The following GRM7 variants were observed in gnomAD, a reference collection of about 807,000 sequenced individuals.
GRM7 encodes metabotropic glutamate receptor 7.
A neutral mutation model predicts 84.5 loss-of-function variants in GRM7; 35 were observed. That is an observed-to-expected ratio of 0.41 (90% confidence interval 0.32 to 0.55). The LOEUF (loss-of-function observed/expected upper bound fraction) is 0.55, where lower values mean the gene tolerates loss of function less well. GRM7 is among the 20% of genes least tolerant of loss of function. The pLI is 0.19. For synonymous variants in GRM7, 487 were observed against 455.1 expected (o/e 1.07, Z -0.89); for missense variants, 1,003 against 1,194.6 (o/e 0.84, Z 2.36).
At chr3:7,570,419 C>T (rs1353497429) in intron 7 of GRM7, among the ~76,000 whole-genome samples, 1 of 152,180 alleles carries the variant, frequency 6.6e-6, no homozygotes, top group Non-Finnish European at 1.5e-5. Flanking sequence ...TAAATACAGC[C>T]ATTCCACATG....
intron 1 of GRM7, among the ~76,000 whole-genome samples, chr3:6,880,226 A>G (rs903417212): frequency 1.3e-5 from 2 of 152,182 alleles, no homozygotes; most frequent in African/African-American, 4.8e-5. Flanking sequence ...AAAGAACCCC[A>G]AATTCTACTT....
intron 2 of GRM7, among the ~76,000 whole-genome samples, chr3:7,191,696 G>A (rs1259829951): frequency 6.6e-6 from 1 of 150,582 alleles, no homozygotes; most frequent in African/African-American, 2.4e-5. Flanking sequence ...AAACGACAAG[G>A]CATGATGGAA....
At chr3:7,245,091 A>T (rs1697708142) in intron 2 of GRM7, among the ~76,000 whole-genome samples, 1 of 152,028 alleles carries the variant, frequency 6.6e-6, no homozygotes, top group Admixed American at 6.6e-5. Flanking sequence ...TTGATCAGTG[A>T]GTTAGAGGAA....
chr3:6,878,628 G>A (rs1470037455), intron 1 of GRM7, among the ~76,000 whole-genome samples: 3 of 152,132 alleles, frequency 2.0e-5, no homozygotes, highest in East Asian at 1.9e-4. Context: ...AATACATCAC[G>A]CACTAATAAA....
chr3:6,913,702 C>T (rs2125020917), intron 1 of GRM7, among the ~76,000 whole-genome samples: 1 of 152,242 alleles, frequency 6.6e-6, no homozygotes, highest in South Asian at 2.1e-4. Flanking sequence ...TTGTTCTGTT[C>T]AAGTTTTAGA....
chr3:7,387,979 T>C (rs1694850468), intron 4 of GRM7, among the ~76,000 whole-genome samples: 1 of 152,128 alleles, frequency 6.6e-6, no homozygotes, highest in African/African-American at 2.4e-5. Flanking sequence ...CAGTGTTTTA[T>C]AGTTTTCCTC....
At chr3:7,033,720 CCATCCCAGTTTGAA>C (rs143116785) in intron 1 of GRM7, among the ~76,000 whole-genome samples, 2,888 of 152,246 alleles carry the variant, frequency 0.019, 77 homozygotes, top group African/African-American at 0.067. Context: ...GGATGGCTAA[CCATCCCAGTTTGAA>C]CATGATGTCT....
At chr3:7,320,910 G>T (rs1469979057) in intron 4 of GRM7, among the ~76,000 whole-genome samples, 1 of 151,952 alleles carries the variant, frequency 6.6e-6, no homozygotes, top group Non-Finnish European at 1.5e-5. Flanking sequence ...CTATTTTAAA[G>T]TGAAAGATTG....
At chr3:7,065,019 C>A (rs754637549) in intron 1 of GRM7, among the ~76,000 whole-genome samples, 12 of 151,772 alleles carry the variant, frequency 7.9e-5, no homozygotes, top group Admixed American at 5.9e-4. Flanking sequence ...GTCCTTAGCC[C>A]ACTTTTTGAT....
chr3:7,219,596 G>A (rs920049474), intron 2 of GRM7, among the ~76,000 whole-genome samples: 2 of 152,142 alleles, frequency 1.3e-5, no homozygotes, highest in South Asian at 2.1e-4. Flanking sequence ...ACATTAATAT[G>A]AGCTCAAGTT....
At chr3:7,079,345 G>A (rs565908598) in intron 1 of GRM7, among the ~76,000 whole-genome samples, 2 of 152,200 alleles carry the variant, frequency 1.3e-5, no homozygotes, top group South Asian at 4.1e-4. Context: ...TACAGATATT[G>A]TGAGGACAGA....
intron 2 of GRM7, among the ~76,000 whole-genome samples, chr3:7,154,398 G>A (rs1422559887): frequency 6.6e-6 from 1 of 152,142 alleles, no homozygotes; most frequent in Non-Finnish European, 1.5e-5. Flanking sequence ...TAGTGACAAG[G>A]TATTTTTGCT....
At chr3:7,062,927 A>G (rs895495890) in intron 1 of GRM7, among the ~76,000 whole-genome samples, 12 of 151,738 alleles carry the variant, frequency 7.9e-5, no homozygotes, top group Admixed American at 1.3e-4. Context: ...GAACTGTAAT[A>G]AAACTCCTAG....
At chr3:7,564,989 C>A (rs1694194342) in intron 7 of GRM7, among the ~76,000 whole-genome samples, 1 of 152,188 alleles carries the variant, frequency 6.6e-6, no homozygotes, top group Non-Finnish European at 1.5e-5. Flanking sequence ...TCATAATGTG[C>A]TAATTGTGTT....
chr3:7,235,282 A>G (rs1697314518), intron 2 of GRM7, among the ~76,000 whole-genome samples: 1 of 152,136 alleles, frequency 6.6e-6, no homozygotes, highest in Non-Finnish European at 1.5e-5. Context: ...TTCTGCTCCT[A>G]TAAATAGCAT....
intron 1 of GRM7, among the ~76,000 whole-genome samples, chr3:6,947,323 G>T (rs1488233118): frequency 2.0e-5 from 3 of 152,144 alleles, no homozygotes; most frequent in Admixed American, 1.3e-4. Context: ...TGTGGTTTTT[G>T]TCTTTGGTTC....
intron 1 of GRM7, among the ~76,000 whole-genome samples, chr3:7,115,897 G>A (rs904731546): frequency 1.3e-5 from 2 of 152,134 alleles, no homozygotes; most frequent in African/African-American, 4.8e-5. Context: ...CAACCTGGCA[G>A]TACTGCATTT....
At chr3:7,697,465 C>T (rs1485199030) in intron 9 of GRM7, among the ~76,000 whole-genome samples, 4 of 152,128 alleles carry the variant, frequency 2.6e-5, no homozygotes, top group Admixed American at 1.3e-4. Flanking sequence ...TCCCTTTATA[C>T]CTCAGCATTT....
intron 7 of GRM7, among the ~76,000 whole-genome samples, chr3:7,524,987 T>A (rs1700734683): frequency 6.7e-6 from 1 of 149,432 alleles, no homozygotes; most frequent in Non-Finnish European, 1.5e-5. Flanking sequence ...AAATTGGAAA[T>A]CATCAGTCTC....
Sources: allele counts gnomAD v4.1 joint callset (sites outside exome capture counted in the v4.1 genomes callset), GRCh38; gene constraint gnomAD v4.1.1; transcripts MANE v1.5; gene names NCBI Gene and HGNC (gene_info 2026-07-23, HGNC 2026-07-21).